The following ZNF141 variants were observed in gnomAD, a reference collection of about 807,000 sequenced individuals.
The protein encoded by ZNF141 is zinc finger protein 141 (clone pHZ-44).
Under a neutral mutation model 11.3 loss-of-function variants are expected in ZNF141, and 7 were observed. The observed-to-expected ratio is 0.62, with a 90% CI of 0.35 to 1.16. ZNF141 has a LOEUF of 1.16. Ranked by LOEUF, ZNF141 falls within the 50% of genes most tolerant of loss-of-function variation. The pLI, the probability that ZNF141 is intolerant of heterozygous loss-of-function variation, is 0.02. For synonymous variants in ZNF141, 183 were observed against 190.7 expected (o/e 0.96, Z 0.33); for missense variants, 535 against 554.0 (o/e 0.97, Z 0.34).
At position 337,841 on chromosome 4, in the gene ZNF141, G is replaced by C. The variant is rs1428413853; in HGVS notation, c.-143G>C. On this transcript the variant is annotated 5_prime_UTR_variant, in exon 1 of 4. Transcript: ENST00000240499. ...CTTTGCGTCTGGCTACTACCAGACC[G>C]CGGGTTAGGGGCTTCATCTCTCTGC... 2.7e-6 allele frequency: 3 copies of C among 1,119,586 alleles called. No homozygotes were observed. Among genetic ancestry groups the C allele is most frequent in the Admixed American group, 3.6e-5 (2 of 55,588 alleles). The allele number at this position is 1,119,586 out of a possible 1,614,324, so 69.4% of individuals were successfully genotyped here.
At chr4:350,546 T>C (rs1160726133) in intron 3 of ZNF141, among the ~76,000 whole-genome samples, 2 of 152,188 alleles carry the variant, frequency 1.3e-5, no homozygotes, top group Non-Finnish European at 2.9e-5. Flanking sequence ...TTTTCACTTT[T>C]TCACTTTTGT....
chr4:339,624 A>G (rs1247266141), intron 1 of ZNF141, among the ~76,000 whole-genome samples: 1 of 152,236 alleles, frequency 6.6e-6, no homozygotes, highest in Non-Finnish European at 1.5e-5. Context: ...CCCTTAAAGC[A>G]TTTAGTTTGA....
rs1553848993 is a variant in ZNF141 at position 343,928 on chromosome 4, A to G, written c.130+20A>G. On this transcript the variant is annotated intron_variant, in intron 2 of 3. Coordinates refer to ENST00000240499, the MANE Select transcript of ZNF141 (RefSeq NM_003441.4). ...CCCTGGGTGAGGATAACTTCAATAC[A>G]TAATTCCTAATTTTTCTCAGAGCTT... 16 of 1,578,160 alleles carry G rather than the reference A, an allele frequency of 1.0e-5. No homozygotes were observed. The highest frequency in any genetic ancestry group is 5.5e-5 in the African/African-American group (4 of 72,242).
intron 3 of ZNF141, among the ~76,000 whole-genome samples, chr4:367,311 T>A (rs1299053165): frequency 6.6e-6 from 1 of 152,170 alleles, no homozygotes; most frequent in African/African-American, 2.4e-5. Context: ...TATGAGTTGT[T>A]TACTTGTTCT....
At chr4:345,509 A>G (rs1405359066) in intron 3 of ZNF141, among the ~76,000 whole-genome samples, 1 of 152,096 alleles carries the variant, frequency 6.6e-6, no homozygotes, top group East Asian at 1.9e-4. Flanking sequence ...AGCTCGGATC[A>G]TCTGAGATCG....
rs1451719539 is a variant in ZNF141, at chr4:379,282, TAAAAG to T, written c.*5421_*5425del. 6.6e-6 allele frequency among the ~76,000 whole-genome samples: 1 copy of T among 152,244 alleles called. No homozygotes were observed. The highest frequency in any genetic ancestry group is 6.5e-5 in the Admixed American group (1 of 15,286). ...CTAGAAATTCCAGGTACTTCAAGCTTAAAAGTAAGAGCTCTAGAGTGTATTGTCTT... is the reference window on the plus strand; with the variant it reads ...CTAGAAATTCCAGGTACTTCAAGCTTTAAGAGCTCTAGAGTGTATTGTCTT... On this transcript the variant is annotated 3_prime_UTR_variant, in exon 4 of 4. Coordinates refer to ENST00000240499, the MANE Select transcript of ZNF141 (RefSeq NM_003441.4).
intron 3 of ZNF141, among the ~76,000 whole-genome samples, chr4:353,497 C>G (rs182379223): frequency 6.9e-6 from 1 of 145,428 alleles, no homozygotes; most frequent in African/African-American, 2.6e-5. Flanking sequence ...GAGTCTCACT[C>G]TCGTCCAGGC....
Position 361,330 on chromosome 4 carries a change from T to C in ZNF141, c.227-11334T>C, listed in dbSNP as rs1553852129. Among the ~76,000 whole-genome samples the C allele has an allele frequency of 2.6e-5, 4 of 152,016 alleles. No homozygotes were observed. The South Asian group carries it at 8.3e-4, about 32-fold the overall frequency. On this transcript the variant is annotated intron_variant, in intron 3 of 3. Coordinates refer to ENST00000240499, the MANE Select transcript of ZNF141 (RefSeq NM_003441.4). ...ATATAATGTCTCTTTTTGACTATTT[T>C]TTTTAACGGAATGATCTCAGGCTTT...
Position 383,299 on chromosome 4 carries a change from G to T in ZNF141, c.*9437G>T. 3 of 610,364 alleles carry T rather than the reference G, an allele frequency of 4.9e-6. No homozygotes were observed. Among genetic ancestry groups the T allele is most frequent in the Non-Finnish European group, 8.7e-6 (3 of 345,354 alleles). The allele number at this position is 610,364 out of a possible 1,614,324, so 37.8% of individuals were successfully genotyped here. A position where few individuals can be genotyped will look rare whatever the true frequency, so the allele number is the denominator to read the frequency against. On this transcript the variant is annotated 3_prime_UTR_variant, in exon 4 of 4. Coordinates refer to ENST00000240499, the MANE Select transcript of ZNF141 (RefSeq NM_003441.4). ...TGAGCCCAGCCTAAATTTCTAACCA[G>T]CTCAATCCTGAGCTAGTATGTTTCG...
intron 1 of ZNF141, among the ~76,000 whole-genome samples, chr4:339,609 C>A (rs1012008860): frequency 6.6e-6 from 1 of 152,204 alleles, no homozygotes; most frequent in African/African-American, 2.4e-5. Flanking sequence ...AATTTTTACT[C>A]TTCTCCCTTA....
intron 1 of ZNF141, chr4:342,937 A>G (rs1045608987): frequency 2.6e-6 from 4 of 1,547,980 alleles, no homozygotes; most frequent in Non-Finnish European, 2.7e-6. Context: ...ATCTACTTCA[A>G]TTATCTCCTG....
Position 379,363 on chromosome 4 carries a change from C to G in ZNF141, c.*5501C>G, listed in dbSNP as rs1712515050. 6.6e-6 allele frequency among the ~76,000 whole-genome samples: 1 copy of G among 151,990 alleles called. No individual in the cohort carries two copies. The highest frequency in any genetic ancestry group is 6.6e-5 in the Admixed American group (1 of 15,256). ...GCCATGCTAGTAAATATTAGAGTTC[C>G]TATGATTATTTTCTTCTTTATTTTA... On this transcript the variant is annotated 3_prime_UTR_variant, in exon 4 of 4. Transcript: ENST00000240499.
chr4:368,630 G>A (rs1320671646), intron 3 of ZNF141, among the ~76,000 whole-genome samples: 2 of 152,094 alleles, frequency 1.3e-5, no homozygotes, highest in East Asian at 3.8e-4. Flanking sequence ...TCATTTATTT[G>A]CTTTCAGTAA....
intron 3 of ZNF141, among the ~76,000 whole-genome samples, chr4:346,988 A>G (rs1307262525): frequency 6.7e-6 from 1 of 149,032 alleles, no homozygotes; most frequent in East Asian, 2.0e-4. Context: ...TTCCTTTGGT[A>G]GTATGCCCAG....
chr4:374,914 AATG>A lies in ZNF141; in HGVS notation c.*1055_*1057del, dbSNP rs782079110. ...CTCAATCTATTCTAAATATAAGAGA[AATG>A]ATATTGGTGAGAAGCCACAAAAATA... On this transcript the variant is annotated 3_prime_UTR_variant, in exon 4 of 4. Transcript: ENST00000240499. 1 of 152,178 alleles carries A rather than the reference AATG, an allele frequency of 6.6e-6. No homozygotes were observed. The highest frequency in any genetic ancestry group is 2.4e-5 in the African/African-American group (1 of 41,432). 9.4% of individuals were successfully genotyped at this position (152,178 alleles called of 1,614,324 possible).
chr4:345,657 G>A (rs565439577), intron 3 of ZNF141, among the ~76,000 whole-genome samples: 5 of 149,550 alleles, frequency 3.3e-5, no homozygotes, highest in Admixed American at 2.7e-4. Flanking sequence ...GAACCCAGGA[G>A]ACGGAGGTTG....
intron 3 of ZNF141, among the ~76,000 whole-genome samples, chr4:370,323 A>G (rs1352204377): frequency 2.6e-5 from 4 of 152,172 alleles, no homozygotes; most frequent in Admixed American, 2.6e-4. Flanking sequence ...TCAGAAAGTT[A>G]TGTATTTTCA....
At chr4:358,736 C>G (rs1326454972) in intron 3 of ZNF141, among the ~76,000 whole-genome samples, 1 of 151,812 alleles carries the variant, frequency 6.6e-6, no homozygotes, top group African/African-American at 2.4e-5. Context: ...TGCCACCACA[C>G]CTGGCTAATT....
rs559424643 is a variant in ZNF141 at position 378,726 on chromosome 4, C to T, written c.*4864C>T. On this transcript the variant is annotated 3_prime_UTR_variant, in exon 4 of 4. Coordinates refer to ENST00000240499, the MANE Select transcript of ZNF141 (RefSeq NM_003441.4). ...TGTTTTAGTGGATGCATTTCATGGG[C>T]TACAGTTTTCATTTTTACTCACCTA... Among the ~76,000 whole-genome samples the T allele has an allele frequency of 2.0e-4, 31 of 151,344 alleles. No homozygotes were observed. The highest frequency in any genetic ancestry group is 6.2e-4 in the South Asian group (3 of 4,808).
Sources: allele counts gnomAD v4.1 joint callset (sites outside exome capture counted in the v4.1 genomes callset), GRCh38; gene constraint gnomAD v4.1.1; transcripts MANE v1.5; gene names NCBI Gene and HGNC (gene_info 2026-07-23, HGNC 2026-07-21).